TAFA1: variants seen among roughly 807,000 people sequenced by gnomAD.
TAFA1 encodes the protein TAFA chemokine like family member 1.
In TAFA1, 4 loss-of-function variants were observed where a neutral mutation model predicts 18.5. That is an observed-to-expected ratio of 0.22 (90% CI 0.11 to 0.49). The LOEUF (loss-of-function observed/expected upper bound fraction) is 0.49, where lower values mean the gene tolerates loss of function less well. TAFA1 is among the 20% of genes least tolerant of loss of function. TAFA1 has a pLI of 0.98. For synonymous variants in TAFA1, 56 were observed against 55.2 expected (o/e 1.01, Z -0.06); for missense variants, 147 against 169.0 (o/e 0.87, Z 0.72).
At chr3:68,400,580 A>G (rs947022374) in intron 2 of TAFA1, among the ~76,000 whole-genome samples, 3 of 152,234 alleles carry the variant, frequency 2.0e-5, no homozygotes, top group Admixed American at 2.0e-4. Context: ...TGAGTGAAGT[A>G]GAAACTGCTA....
chr3:68,173,751 G>T (rs1318676782), intron 2 of TAFA1, among the ~76,000 whole-genome samples: 4 of 151,968 alleles, frequency 2.6e-5, no homozygotes, highest in East Asian at 1.9e-4. Context: ...TATTGTGTTG[G>T]TTTTTTGCCT....
chr3:68,180,721 T>C (rs1014585020), intron 2 of TAFA1, among the ~76,000 whole-genome samples: 1 of 151,142 alleles, frequency 6.6e-6, no homozygotes, highest in Non-Finnish European at 1.5e-5. Context: ...TGCAGACCTT[T>C]ATGTGTGTGG....
intron 3 of TAFA1, among the ~76,000 whole-genome samples, chr3:68,446,702 T>C (rs914651322): frequency 2.0e-5 from 3 of 152,202 alleles, no homozygotes; most frequent in Admixed American, 2.0e-4. Context: ...ACTTTCCCTT[T>C]TGAGGTGACA....
intron 2 of TAFA1, among the ~76,000 whole-genome samples, chr3:68,193,152 C>G (rs1440501104): frequency 6.6e-6 from 1 of 151,620 alleles, no homozygotes; most frequent in African/African-American, 2.4e-5. Context: ...AAATAAGCTC[C>G]AAAGTAAGTT....
chr3:68,040,352 T>C (rs1461460983), intron 2 of TAFA1, among the ~76,000 whole-genome samples: 1 of 152,084 alleles, frequency 6.6e-6, no homozygotes, highest in East Asian at 1.9e-4. Flanking sequence ...GACTGTCCCA[T>C]AAACAAATGA....
At chr3:68,223,596 C>A (rs1342497421) in intron 2 of TAFA1, among the ~76,000 whole-genome samples, 1 of 151,704 alleles carries the variant, frequency 6.6e-6, no homozygotes, top group African/African-American at 2.4e-5. Flanking sequence ...CAGAATTTTA[C>A]CTACAGAGAG....
rs748723961 is a variant in TAFA1, at chr3:68,440,516, G to T, written c.259+23096G>T. On this transcript the variant is annotated intron_variant, in intron 3 of 4. Coordinates refer to ENST00000478136, the MANE Select transcript of TAFA1 (RefSeq NM_213609.4). Reference sequence around the variant, plus strand: ...AGGAAATATGACAATTACAGCCCTCGTTTCTGCAACTGGTCACGTGGTCAT... The same window carrying T: ...AGGAAATATGACAATTACAGCCCTCTTTTCTGCAACTGGTCACGTGGTCAT... 2.0e-4 allele frequency among the ~76,000 whole-genome samples: 31 copies of T among 152,208 alleles called. No individual in the cohort carries two copies. In the Middle Eastern group the frequency reaches 0.014, roughly 67 times the overall value.
At position 68,474,229 on chromosome 3, in the gene TAFA1, T is replaced by C. The variant is rs553612758; in HGVS notation, c.259+56809T>C. On this transcript the variant is annotated intron_variant, in intron 3 of 4. Transcript: ENST00000478136. ...ATTGAGTAAATCAAAGTTACTAAGA[T>C]TACTCAGGATATAAGTCTGTATGTT... 4.6e-5 allele frequency among the ~76,000 whole-genome samples: 7 copies of C among 152,278 alleles called. No individual in the cohort carries two copies. In the South Asian group the frequency reaches 1.2e-3, roughly 27 times the overall value.
intron 2 of TAFA1, among the ~76,000 whole-genome samples, chr3:68,314,177 G>A (rs2068567775): frequency 6.6e-6 from 1 of 152,124 alleles, no homozygotes; most frequent in African/African-American, 2.4e-5. Context: ...TCTTTAGGAG[G>A]AAACTACCCT....
intron 2 of TAFA1, among the ~76,000 whole-genome samples, chr3:68,334,324 T>G (rs1322746017): frequency 2.6e-5 from 4 of 152,126 alleles, no homozygotes; most frequent in Non-Finnish European, 5.9e-5. Context: ...TTAGGCATAG[T>G]TCAAAGCAGT....
At chr3:68,305,670 G>T (rs1329104862) in intron 2 of TAFA1, among the ~76,000 whole-genome samples, 5 of 151,602 alleles carry the variant, frequency 3.3e-5, no homozygotes, top group Non-Finnish European at 5.9e-5. Flanking sequence ...GGGGGTCAGG[G>T]GATGGAAAGA....
At chr3:68,463,970 C>A (rs1234972425) in intron 3 of TAFA1, among the ~76,000 whole-genome samples, 2 of 152,134 alleles carry the variant, frequency 1.3e-5, no homozygotes, top group Admixed American at 6.6e-5. Flanking sequence ...GAATGGATAA[C>A]TTTTTACATT....
chr3:68,417,188 A>T (rs116695708), intron 2 of TAFA1, 92 bp from the exon 3 acceptor site: 2 of 967,586 alleles, frequency 2.1e-6, no homozygotes, highest in Non-Finnish European at 3.1e-6. Context: ...AATTTCAATT[A>T]CTTTCCTCAA....
chr3:68,064,939 C>G (rs2064655093), intron 2 of TAFA1, among the ~76,000 whole-genome samples: 1 of 152,024 alleles, frequency 6.6e-6, no homozygotes, highest in Non-Finnish European at 1.5e-5. Context: ...ATATGTACAT[C>G]TTAGCTAATT....
rs1048261596 is a variant in TAFA1 at position 68,492,319 on chromosome 3, G to GT, written c.260-46428dup. The stretch of plus-strand genomic sequence containing the variant: ...TATTTCAACCAGTGGTTGTTTTTTT[G>GT]TTTTTTTTTGCATCAAGTACTTTCC... On this transcript the variant is annotated intron_variant, in intron 3 of 4. Transcript: ENST00000478136. 4.3e-3 allele frequency among the ~76,000 whole-genome samples: 648 copies of GT among 149,782 alleles called. 5 individuals are homozygous for GT. Among genetic ancestry groups the GT allele is most frequent in the African/African-American group, 0.012 (491 of 40,840 alleles).
At chr3:68,417,153 T>A in intron 2 of TAFA1, 127 bp from the exon 3 acceptor site, 1 of 708,614 alleles carries the variant, frequency 1.4e-6, no homozygotes. Context: ...CTGTTGTAAT[T>A]GTATTTCATG....
intron 2 of TAFA1, among the ~76,000 whole-genome samples, chr3:68,230,879 G>T (rs897183112): frequency 6.6e-6 from 1 of 152,106 alleles, no homozygotes. Context: ...TAGTGATGTT[G>T]AATATTTTTA....
At chr3:68,258,554 C>T (rs886277628) in intron 2 of TAFA1, among the ~76,000 whole-genome samples, 1 of 152,148 alleles carries the variant, frequency 6.6e-6, no homozygotes, top group Non-Finnish European at 1.5e-5. Flanking sequence ...TTCTATTTAA[C>T]TGAGTGGTTA....
intron 2 of TAFA1, among the ~76,000 whole-genome samples, chr3:68,220,583 T>C (rs2066717343): frequency 6.6e-6 from 1 of 152,058 alleles, no homozygotes; most frequent in Non-Finnish European, 1.5e-5. Flanking sequence ...GTTCAAACAA[T>C]TTCTTCGGAA....
Sources: gnomAD v4.1 joint callset for allele counts (sites outside exome capture counted in the v4.1 genomes callset) on GRCh38, gnomAD v4.1.1 for gene constraint, MANE v1.5 for transcripts, NCBI Gene and HGNC (gene_info 2026-07-23, HGNC 2026-07-21) for gene names.